The following LYST variants were observed in gnomAD, a reference collection of about 807,000 sequenced individuals.
LYST encodes lysosomal-trafficking regulator.
In LYST, 192 loss-of-function variants were observed where a neutral mutation model predicts 413.6. That is an observed-to-expected ratio of 0.46 (90% CI 0.41 to 0.52). LYST has a LOEUF of 0.52. Ranked by LOEUF, LYST falls within the 20% of genes least tolerant of loss-of-function variation. The probability of loss-of-function intolerance (pLI) is 0.00; values close to 1 mark genes in which losing one functional copy is unlikely to be tolerated. For missense variants in LYST, 3,815 were observed against 4,499.9 expected (o/e 0.85, Z 4.35); for synonymous variants, 1,525 against 1,567.3 (o/e 0.97, Z 0.64).
Position 235,770,245 on chromosome 1 carries a change from T to C in LYST, c.5837A>G (p.Asp1946Gly). The change falls in exon 20 of 53, where the codon GAT becomes GGT. Residue 1946 changes from aspartate (D) to glycine (G), a missense_variant. This residue lies in a region of LYST where 530 missense variants were observed against 696.5 expected (regional missense o/e 0.76). Transcript: ENST00000389793. ...AATATTAAACATCTGCTGGTGGTGATCTGCTCTGATGAGGACTTCTAGAGC... is the reference window on the plus strand; with the variant it reads ...AATATTAAACATCTGCTGGTGGTGACCTGCTCTGATGAGGACTTCTAGAGC... ...LAALEVLIRA[D>G]HHQQMFNIKQ... 2 of 1,613,766 alleles carry C rather than the reference T, an allele frequency of 1.2e-6. No individual in the cohort carries two copies. The highest frequency in any genetic ancestry group is 2.2e-5 in the East Asian group (1 of 44,856).
intron 31 of LYST, chr1:235,738,027 C>T: frequency 1.9e-6 from 3 of 1,543,766 alleles, no homozygotes; most frequent in Non-Finnish European, 2.6e-6. Context: ...TCAGCTTATT[C>T]ACAGTCTTCT....
intron 40 of LYST, among the ~76,000 whole-genome samples, chr1:235,717,055 T>G (rs944287687): frequency 3.3e-5 from 5 of 152,200 alleles, no homozygotes; most frequent in Non-Finnish European, 7.3e-5. Flanking sequence ...TTCTTTCCCT[T>G]ACTTCTGCAG....
chr1:235,731,213 C>T lies in LYST; in HGVS notation c.8802-36G>A, dbSNP rs764855734. 5.2e-5 allele frequency: 83 copies of T among 1,594,088 alleles called. No individual in the cohort carries two copies. The South Asian group carries it at 5.5e-4, about 11-fold the overall frequency. On this transcript the variant is annotated intron_variant, in intron 34 of 52. Transcript: ENST00000389793. ...AAAGATTAAAGGGTGTTTTAAGTGA[C>T]CATCCAGGACTTGTAGCTATAAAAA...
At chr1:235,864,738 C>A (rs1291487285) in intron 1 of LYST, among the ~76,000 whole-genome samples, 3 of 152,178 alleles carry the variant, frequency 2.0e-5, no homozygotes, top group Non-Finnish European at 4.4e-5. Flanking sequence ...TTGAGACCAG[C>A]CTGGGCAACA....
intron 50 of LYST, among the ~76,000 whole-genome samples, chr1:235,672,632 A>G (rs1366619862): frequency 1.3e-5 from 2 of 152,228 alleles, no homozygotes; most frequent in Non-Finnish European, 2.9e-5. Flanking sequence ...AAGATCATGT[A>G]GAACTTTCCA....
chr1:235,759,330 A>G lies in LYST; in HGVS notation c.6523T>C (p.Cys2175Arg). The change falls in exon 23 of 53, where the codon TGT becomes CGT. Residue 2175 changes from cysteine to arginine, a missense_variant. Coordinates refer to ENST00000389793, the MANE Select transcript of LYST (RefSeq NM_000081.4). ...ISSCESAKTVCEMEAVLSAQV... is the reference protein window; with the variant it reads ...ISSCESAKTVREMEAVLSAQV... Reference sequence around the variant, plus strand: ...GCTGAGAGGACAGCTTCCATTTCACAAACAGTTTTTGCAGACTCACAGCTA... The same window carrying G: ...GCTGAGAGGACAGCTTCCATTTCACGAACAGTTTTTGCAGACTCACAGCTA... 6.2e-7 allele frequency: 1 copy of G among 1,614,156 alleles called. No homozygotes were observed. The highest frequency in any genetic ancestry group is 8.5e-7 in the Non-Finnish European group (1 of 1,180,026).
At chr1:235,859,958 T>C (rs951200579) in intron 1 of LYST, among the ~76,000 whole-genome samples, 2 of 152,244 alleles carry the variant, frequency 1.3e-5, no homozygotes, top group African/African-American at 2.4e-5. Context: ...TTAATATGAC[T>C]TGTTCTTAAA....
At chr1:235,741,915 A>G (rs1248903697) in intron 30 of LYST, among the ~76,000 whole-genome samples, 1 of 152,228 alleles carries the variant, frequency 6.6e-6, no homozygotes. Context: ...ATACAATGGA[A>G]TATTATTCAT....
chr1:235,853,611 A>G (rs1344223208), intron 1 of LYST, among the ~76,000 whole-genome samples: 1 of 152,142 alleles, frequency 6.6e-6, no homozygotes, highest in South Asian at 2.1e-4. Context: ...CAGGGTGTCA[A>G]TAAACAACAT....
At chr1:235,759,654 T>A (rs1307299815) in intron 22 of LYST, 55 bp from the exon 23 acceptor site, 18 of 1,311,102 alleles carry the variant, frequency 1.4e-5, no homozygotes, top group Non-Finnish European at 1.9e-5. Context: ...TGGAACCACC[T>A]CTCTTTTGCA....
At chr1:235,738,716 C>A (rs879177545) in intron 31 of LYST, 1 of 1,570,652 alleles carries the variant, frequency 6.4e-7, no homozygotes, top group Admixed American at 1.7e-5. Flanking sequence ...AGAGTGCTTA[C>A]GAGGTGATCA....
At chr1:235,787,151 A>G (rs746910382) in intron 14 of LYST, 49 bp downstream of exon 14, 8 of 1,413,968 alleles carry the variant, frequency 5.7e-6, no homozygotes, top group African/African-American at 2.8e-5. Context: ...CTAATGAAAC[A>G]TAACATTGTA....
At chr1:235,799,870 G>A (rs1038325306) in intron 10 of LYST, among the ~76,000 whole-genome samples, 1 of 137,296 alleles carries the variant, frequency 7.3e-6, no homozygotes, top group Admixed American at 7.9e-5. Context: ...AGGAACAAAC[G>A]AGATAATGCA....
intron 47 of LYST, among the ~76,000 whole-genome samples, chr1:235,691,422 T>G (rs1660643472): frequency 3.3e-5 from 5 of 152,228 alleles, no homozygotes; most frequent in Admixed American, 2.6e-4. Context: ...CCCAATGTTC[T>G]TTCTACTATA....
At chr1:235,694,051 C>T (rs1436153488) in intron 46 of LYST, among the ~76,000 whole-genome samples, 14 of 150,942 alleles carry the variant, frequency 9.3e-5, no homozygotes, top group Non-Finnish European at 3.0e-5. Context: ...GCTCTGTCAC[C>T]CAGGCTGAAG....
rs71174466 is a variant in LYST, at chr1:235,882,078, T to TCACACACACACA, written n.454+1097_454+1108dup. 9.6e-4 allele frequency among the ~76,000 whole-genome samples: 140 copies of TCACACACACACA among 145,836 alleles called. 1 individual carries two copies. The highest frequency in any genetic ancestry group is 2.5e-3 in the African/African-American group (99 of 38,972). ...CACATACACACACACACTCTTTCTT[T>TCACACACACACA]CACACACACACACACACACACACAC... is the stretch of plus-strand genomic sequence containing the variant. On this transcript the variant is annotated intron_variant and non_coding_transcript_variant, in intron 1 of 11. Coordinates refer to the LYST transcript ENST00000465349.
intron 48 of LYST, among the ~76,000 whole-genome samples, chr1:235,683,352 T>C (rs1214075133): frequency 2.0e-5 from 3 of 152,340 alleles, no homozygotes; most frequent in East Asian, 1.9e-4. Context: ...AACAGATATA[T>C]AGGTGTTCAC....
intron 38 of LYST, among the ~76,000 whole-genome samples, chr1:235,727,813 A>C (rs2103193591): frequency 6.6e-6 from 1 of 152,354 alleles, no homozygotes; most frequent in African/African-American, 2.4e-5. Flanking sequence ...ATAAGAAGGA[A>C]TGAACATAAA....
chr1:235,707,768 A>T (rs1363195688), intron 44 of LYST, among the ~76,000 whole-genome samples: 2 of 152,232 alleles, frequency 1.3e-5, no homozygotes, highest in African/African-American at 4.8e-5. Flanking sequence ...CCAACAATAG[A>T]AGACTGCTAA....
Sources: allele counts gnomAD v4.1 joint callset (sites outside exome capture counted in the v4.1 genomes callset), GRCh38; gene constraint gnomAD v4.1.1; regional missense constraint gnomAD v4.1.1; transcripts MANE v1.5; gene names NCBI Gene and HGNC (gene_info 2026-07-23, HGNC 2026-07-21).